Variants in EDN1 observed in about 807,000 individuals in gnomAD.
EDN1 encodes endothelin 1.
EDN1 carries 11 observed loss-of-function variants against 21.7 expected under a neutral mutation model. The ratio of observed to expected loss-of-function variants is 0.51; its 90% CI spans 0.32 to 0.84. EDN1 has a LOEUF of 0.84. EDN1 is among the 40% of genes least tolerant of loss of function. The pLI is 0.03. For synonymous variants in EDN1, 85 were observed against 90.6 expected (o/e 0.94, Z 0.35); for missense variants, 244 against 262.3 (o/e 0.93, Z 0.48).
chr6:12,246,742 T>C, the EDN1 span, among the ~76,000 whole-genome samples: 1 of 123,696 alleles, frequency 8.1e-6, no homozygotes, highest in Admixed American at 8.1e-5. Flanking sequence ...ATGTAAACTC[T>C]TGGAGAGGAA....
chr6:12,292,596 C>A (rs961276834), intron 2 of EDN1, 87 bp downstream of exon 2: 2 of 1,499,780 alleles, frequency 1.3e-6, no homozygotes, highest in Non-Finnish European at 1.9e-6. Context: ...TTTCTAGGGA[C>A]TCTGAAGGTA....
the EDN1 span, among the ~76,000 whole-genome samples, chr6:12,283,512 T>C: frequency 4.1e-4 from 62 of 152,192 alleles, no homozygotes; most frequent in East Asian, 9.6e-4. Context: ...CAAATAAAAA[T>C]CTGAACCTTT....
At chr6:12,288,113 G>A (rs1762594157), upstream of EDN1, among the ~76,000 whole-genome samples, 1 of 152,220 alleles carries the variant, frequency 6.6e-6, no homozygotes, top group African/African-American at 2.4e-5. Context: ...AGGGACTCCA[G>A]CTGAAGTAGA....
chr6:12,239,269 C>T, the EDN1 span, among the ~76,000 whole-genome samples: 1 of 152,182 alleles, frequency 6.6e-6, no homozygotes, highest in East Asian at 1.9e-4. Flanking sequence ...TCCATAAACC[C>T]ATTTAAAAAT....
the EDN1 span, among the ~76,000 whole-genome samples, chr6:12,248,533 C>A: frequency 1.3e-5 from 2 of 152,122 alleles, no homozygotes; most frequent in Non-Finnish European, 2.9e-5. Context: ...GTCTAAATAT[C>A]CTTGTGAACT....
At chr6:12,273,570 A>G in the EDN1 span, among the ~76,000 whole-genome samples, 1 of 146,772 alleles carries the variant, frequency 6.8e-6, no homozygotes, top group Admixed American at 6.8e-5. Context: ...ATATTTAAAC[A>G]CTGATGAGAG....
chr6:12,261,676 C>T, the EDN1 span, among the ~76,000 whole-genome samples: 1,641 of 152,254 alleles, frequency 0.011, 27 homozygotes, highest in African/African-American at 0.038. Context: ...AGTAGATGCA[C>T]GTTGAGAATT....
chr6:12,243,833 T>G, the EDN1 span, among the ~76,000 whole-genome samples: 1 of 152,358 alleles, frequency 6.6e-6, no homozygotes, highest in Non-Finnish European at 1.5e-5. Flanking sequence ...CATTCTGATT[T>G]GAAAATAAAT....
upstream of EDN1, among the ~76,000 whole-genome samples, chr6:12,285,858 C>T (rs1762552760): frequency 6.6e-6 from 1 of 152,068 alleles, no homozygotes; most frequent in African/African-American, 2.4e-5. Context: ...CCATGCCCAG[C>T]CAAACATTTT....
At chr6:12,292,604 G>A (rs938933244) in intron 2 of EDN1, 95 bp downstream of exon 2, 1 of 1,426,340 alleles carries the variant, frequency 7.0e-7, no homozygotes, top group African/African-American at 1.4e-5. Context: ...GACTCTGAAG[G>A]TAGTCCTTCT....
the EDN1 span, among the ~76,000 whole-genome samples, chr6:12,246,823 C>T: frequency 1.1e-4 from 16 of 152,212 alleles, no homozygotes; most frequent in Non-Finnish European, 2.2e-4. Flanking sequence ...AGTCACATCA[C>T]TAACCTATCT....
chr6:12,248,269 A>C, the EDN1 span, among the ~76,000 whole-genome samples: 1 of 152,206 alleles, frequency 6.6e-6, no homozygotes, highest in African/African-American at 2.4e-5. Flanking sequence ...AGCCATGAAG[A>C]GAGAGCTCTT....
chr6:12,279,426 G>A, the EDN1 span, among the ~76,000 whole-genome samples: 1 of 152,326 alleles, frequency 6.6e-6, no homozygotes, highest in East Asian at 1.9e-4. Flanking sequence ...TAGGGAAGAT[G>A]AGCTGGGAGC....
At chr6:12,244,177 AT>A in the EDN1 span, among the ~76,000 whole-genome samples, 1 of 152,140 alleles carries the variant, frequency 6.6e-6, no homozygotes, top group Non-Finnish European at 1.5e-5. Flanking sequence ...GTTTAAAGCA[AT>A]AATAAACTCA....
chr6:12,234,387 T>A, the EDN1 span, among the ~76,000 whole-genome samples: 335 of 152,294 alleles, frequency 2.2e-3, no homozygotes, highest in Middle Eastern at 0.014. Flanking sequence ...ATGGGGTGAA[T>A]CCCATGTTCC....
At chr6:12,283,414 A>AT in the EDN1 span, among the ~76,000 whole-genome samples, 64 of 150,986 alleles carry the variant, frequency 4.2e-4, no homozygotes, top group African/African-American at 5.8e-4. Flanking sequence ...GCTGTAGGGA[A>AT]TTTTTTTTTT....
At chr6:12,290,780 C>A in intron 1 of EDN1, 87 bp downstream of exon 1, 1 of 1,253,104 alleles carries the variant, frequency 8.0e-7, no homozygotes. Flanking sequence ...TTCTATTTTT[C>A]CCCGTTCTTT....
chr6:12,256,454 A>C, the EDN1 span, among the ~76,000 whole-genome samples: 3 of 152,072 alleles, frequency 2.0e-5, no homozygotes, highest in Admixed American at 6.6e-5. Context: ...GTTTTTCCTC[A>C]CCTGCCCACC....
chr6:12,292,844 G>A (rs775066905), intron 2 of EDN1, among the ~76,000 whole-genome samples: 4 of 152,166 alleles, frequency 2.6e-5, no homozygotes, highest in Non-Finnish European at 4.4e-5. Context: ...AATAATTGCC[G>A]AGGTCAGATG....
Sources: allele counts gnomAD v4.1 joint callset (sites outside exome capture counted in the v4.1 genomes callset), GRCh38; gene constraint gnomAD v4.1.1; transcripts MANE v1.5; gene names NCBI Gene and HGNC (gene_info 2026-07-23, HGNC 2026-07-21).